Variants in BABAM2 observed in about 807,000 individuals in gnomAD.
BABAM2 encodes BRISC and BRCA1-A complex member 2.
In BABAM2, 31 loss-of-function variants were observed where a neutral mutation model predicts 54.7. The observed-to-expected ratio is 0.57, with a 90% CI of 0.43 to 0.77. The LOEUF (loss-of-function observed/expected upper bound fraction) is 0.77, where lower values mean the gene tolerates loss of function less well. Ranked by LOEUF, BABAM2 falls within the 30% of genes least tolerant of loss-of-function variation. BABAM2 has a pLI of 0.00. For synonymous variants in BABAM2, 167 were observed against 162.9 expected, an observed-to-expected ratio of 1.03 and a Z score of -0.19; for missense variants, 364 against 455.8, an observed-to-expected ratio of 0.80 and a Z score of 1.83.
At chr2:27,977,481 T>C (rs540916844) in intron 3 of BABAM2, among the ~76,000 whole-genome samples, 2 of 152,338 alleles carry the variant, frequency 1.3e-5, no homozygotes, top group East Asian at 3.9e-4. Context: ...AAGAGGGATA[T>C]GTAGCTTAGC....
At chr2:28,184,067 A>G (rs1410444927) in intron 7 of BABAM2, among the ~76,000 whole-genome samples, 6 of 152,218 alleles carry the variant, frequency 3.9e-5, no homozygotes, top group African/African-American at 1.4e-4. Flanking sequence ...ACTTGCTCAC[A>G]TGGATCAGTA....
At chr2:28,070,356 C>T (rs1302850554) in intron 6 of BABAM2, among the ~76,000 whole-genome samples, 1 of 152,110 alleles carries the variant, frequency 6.6e-6, no homozygotes, top group Non-Finnish European at 1.5e-5. Flanking sequence ...TATAATGCCC[C>T]ATGCATGTCT....
chr2:28,126,539 A>G (rs1308550666), intron 6 of BABAM2, among the ~76,000 whole-genome samples: 2 of 141,932 alleles, frequency 1.4e-5, no homozygotes, highest in Non-Finnish European at 1.5e-5. Flanking sequence ...AATCCAGTCT[A>G]TCATTGTTGG....
chr2:28,187,491 C>T (rs1354340165), intron 7 of BABAM2, among the ~76,000 whole-genome samples: 1 of 152,114 alleles, frequency 6.6e-6, no homozygotes, highest in Non-Finnish European at 1.5e-5. Context: ...AGCAGAGTCC[C>T]AGGAACAGTT....
At chr2:28,314,834 C>T (rs537711245) in intron 11 of BABAM2, among the ~76,000 whole-genome samples, 1 of 151,860 alleles carries the variant, frequency 6.6e-6, no homozygotes, top group East Asian at 1.9e-4. Flanking sequence ...ATTTGATGTG[C>T]AGAGAGGGGA....
chr2:28,128,782 C>A (rs1669787527), intron 6 of BABAM2, among the ~76,000 whole-genome samples: 1 of 151,998 alleles, frequency 6.6e-6, no homozygotes, highest in Admixed American at 6.6e-5. Context: ...GTACCTAACC[C>A]CCTTGTCATT....
At chr2:27,890,164 G>A (rs551447527), upstream of BABAM2, 122 of 1,198,776 alleles carry the variant, frequency 1.0e-4, 2 homozygotes, top group African/African-American at 1.6e-3. The surrounding 1 kb of genome is among the most constrained non-coding windows in gnomAD (Gnocchi z 4.8). Context: ...GTCTATCCCT[G>A]GAGACCCAGC....
intron 10 of BABAM2, among the ~76,000 whole-genome samples, chr2:28,255,269 C>CT (rs747814746): frequency 1.3e-5 from 2 of 152,080 alleles, no homozygotes; most frequent in Non-Finnish European, 2.9e-5. Flanking sequence ...CATTTAGAAT[C>CT]TGAGCCATTC....
chr2:28,228,196 CT>C (rs1681061728), intron 7 of BABAM2, among the ~76,000 whole-genome samples: 3 of 152,246 alleles, frequency 2.0e-5, no homozygotes, highest in Admixed American at 2.0e-4. Flanking sequence ...TACAGATTGA[CT>C]TCTTGAACAC....
chr2:28,179,142 G>T, intron 7 of BABAM2, among the ~76,000 whole-genome samples: 1 of 152,068 alleles, frequency 6.6e-6, no homozygotes. Context: ...ATTCTATGAG[G>T]CCAGCATTAC....
At chr2:28,124,051 G>T (rs886473901) in intron 6 of BABAM2, among the ~76,000 whole-genome samples, 1 of 152,172 alleles carries the variant, frequency 6.6e-6, no homozygotes, top group African/African-American at 2.4e-5. Context: ...GGTGGCCCCT[G>T]GTTCTTTGCA....
At chr2:28,265,129 C>T (rs1684864883) in intron 10 of BABAM2, among the ~76,000 whole-genome samples, 1 of 152,148 alleles carries the variant, frequency 6.6e-6, no homozygotes, top group Admixed American at 6.5e-5. Context: ...AGATCAGCCT[C>T]AGTCTCCCTA....
chr2:28,167,889 A>T lies in BABAM2; in HGVS notation c.680+38509A>T, dbSNP rs189624923. On this transcript the variant is annotated intron_variant, in intron 7 of 11. Coordinates refer to ENST00000379624, the MANE Select transcript of BABAM2 (RefSeq NM_199191.3). ...AAGTGTTTTTCCTGCACTCTCATTT[A>T]ATCTGTATTTCTACTCCTATAAGGT... Among the ~76,000 whole-genome samples the T allele has an allele frequency of 1.2e-4, 19 of 152,248 alleles. No homozygotes were observed. The East Asian group carries it at 3.7e-3, about 29-fold the overall frequency.
chr2:28,170,725 T>G (rs144859174), intron 7 of BABAM2, among the ~76,000 whole-genome samples: 5 of 152,318 alleles, frequency 3.3e-5, no homozygotes, highest in African/African-American at 1.2e-4. Flanking sequence ...GGGCTTTTTG[T>G]TGTTATTATT....
intron 10 of BABAM2, among the ~76,000 whole-genome samples, chr2:28,295,922 A>G (rs1687654136): frequency 6.6e-6 from 1 of 152,156 alleles, no homozygotes; most frequent in Admixed American, 6.5e-5. Context: ...AGCCTGACCA[A>G]CATGGTGAAA....
In BABAM2 at chr2:27,983,942, C is replaced by CTTTTTTTTTTTTTTTTTTTTTTTTTTTT; in HGVS notation, c.206-4032_206-4031insTTTTTTTTTTTTTTTTTTTTTTTTTTTT. Among the ~76,000 whole-genome samples, 6 of 31,132 alleles carry CTTTTTTTTTTTTTTTTTTTTTTTTTTTT rather than the reference C, an allele frequency of 1.9e-4. 1 individual carries two copies. The highest frequency in any genetic ancestry group is 2.9e-4 in the Admixed American group (1 of 3,404). The allele number at this position is 31,132 out of a possible 152,430, so 20.4% of individuals were successfully genotyped here. A position where few individuals can be genotyped will look rare whatever the true frequency, so the allele number is the denominator to read the frequency against. ...TTTCCAATGTAGATACATTTTGTAC[C>CTTTTTTTTTTTTTTTTTTTTTTTTTTTT]TTTTTTTTTTTTTTTTTTTGCCAAA... On this transcript the variant is annotated intron_variant, in intron 3 of 11. Transcript: ENST00000379624.
chr2:27,990,046 A>G (rs1444249732), intron 4 of BABAM2, among the ~76,000 whole-genome samples: 5 of 152,204 alleles, frequency 3.3e-5, no homozygotes, highest in African/African-American at 9.6e-5. Flanking sequence ...TATAGCTGAA[A>G]AAGAATAGCC....
intron 11 of BABAM2, among the ~76,000 whole-genome samples, chr2:28,312,416 C>G (rs1187676169): frequency 6.6e-6 from 1 of 152,168 alleles, no homozygotes; most frequent in African/African-American, 2.4e-5. Flanking sequence ...GACTACCACA[C>G]ACACGTATTT....
intron 10 of BABAM2, among the ~76,000 whole-genome samples, chr2:28,266,546 T>C (rs1289947149): frequency 6.6e-6 from 1 of 152,234 alleles, no homozygotes; most frequent in African/African-American, 2.4e-5. Flanking sequence ...TAAGATCTTA[T>C]AGTATTTCAA....
Sources: gnomAD v4.1 joint callset for allele counts (sites outside exome capture counted in the v4.1 genomes callset) on GRCh38, gnomAD v4.1.1 for gene constraint, Gnocchi (gnomAD v3.1) non-coding constraint, MANE v1.5 for transcripts, NCBI Gene and HGNC (gene_info 2026-07-23, HGNC 2026-07-21) for gene names.